FBXO41: variants seen among roughly 807,000 people sequenced by gnomAD.
FBXO41 encodes the protein F-box only protein 41.
A neutral mutation model predicts 81.6 loss-of-function variants in FBXO41; 33 were observed. The observed-to-expected ratio is 0.40, with a 90% CI of 0.31 to 0.54. The LOEUF is 0.54. Among genes scored for constraint, FBXO41 ranks in the 20% least tolerant of loss-of-function variants. The probability of loss-of-function intolerance (pLI) is 0.39; values close to 1 mark genes in which losing one functional copy is unlikely to be tolerated. For missense variants in FBXO41, 1,107 were observed against 1,236.0 expected (o/e 0.90, Z 1.56); for synonymous variants, 576 against 552.7 (o/e 1.04, Z -0.59).
chr2:73,278,815 G>A (rs1688769998), intron 1 of FBXO41, among the ~76,000 whole-genome samples: 1 of 152,228 alleles, frequency 6.6e-6, no homozygotes, highest in Non-Finnish European at 1.5e-5. Flanking sequence ...GGGCAAGGAA[G>A]TGAGAAAGAG....
At position 73,266,081 on chromosome 2, in the gene FBXO41, G is replaced by C; in HGVS notation, c.1132-115C>G. 1 of 922,186 alleles carries C rather than the reference G, an allele frequency of 1.1e-6. No homozygotes were observed. The highest frequency in any genetic ancestry group is 1.7e-6 in the Non-Finnish European group (1 of 593,848). The allele number at this position is 922,186 out of a possible 1,614,324, so 57.1% of individuals were successfully genotyped here. On this transcript the variant is annotated intron_variant, in intron 3 of 12. Coordinates refer to ENST00000520530, the MANE Select transcript of FBXO41 (RefSeq NM_001371389.2). The surrounding 1 kb of genome is among the most constrained non-coding windows in gnomAD (Gnocchi z 5.3). ...GAGAGGAGATGGGGGAGAGGAGAGA[G>C]AAGGGAAAATAGTTGGGAAAGATGG...
In FBXO41 at chr2:73,260,398, G is replaced by A. The variant is rs1687963346; in HGVS notation, c.2440C>T (p.His814Tyr). 2.5e-6 allele frequency: 4 copies of A among 1,612,586 alleles called. No individual in the cohort carries two copies. Among genetic ancestry groups the A allele is most frequent in the Admixed American group, 1.7e-5 (1 of 59,880 alleles). ...TTCCCCCAGTGCTCACTGTTGAAGT[G>A]CAGTAGGGCCTTAGGGGTGACGGGA... ...ATPVTPKALL[H>Y]FNSICRNLKS... is the part of the protein sequence containing the mutation. Residue 814 changes from histidine (H) to tyrosine (Y), a missense_variant, in exon 11 of 13, where the codon CAC becomes TAC. Around this residue, in one of 2 missense-constraint regions of FBXO41, gnomAD observed 336 missense variants for 446.7 expected, o/e 0.75. Coordinates refer to ENST00000520530, the MANE Select transcript of FBXO41 (RefSeq NM_001371389.2). The surrounding 1 kb of genome is among the most constrained non-coding windows in gnomAD (Gnocchi z 5.0).
At chr2:73,273,521 C>A (rs1032282004) in intron 1 of FBXO41, among the ~76,000 whole-genome samples, 1 of 152,162 alleles carries the variant, frequency 6.6e-6, no homozygotes, top group African/African-American at 2.4e-5. Context: ...AGGGAACACA[C>A]ATGACCTCAG....
intron 1 of FBXO41, among the ~76,000 whole-genome samples, chr2:73,283,261 AC>A (rs1386551391): frequency 6.6e-6 from 1 of 152,134 alleles, no homozygotes; most frequent in African/African-American, 2.4e-5. Context: ...CTGGCTCTCC[AC>A]ACCTGTGGCT....
intron 1 of FBXO41, chr2:73,271,028 C>A: frequency 2.2e-6 from 1 of 451,672 alleles, no homozygotes; most frequent in Admixed American, 2.3e-5. Context: ...ACTTCCTGTT[C>A]TTGCTGCCTT....
At chr2:73,265,228 A>C in intron 5 of FBXO41, 54 bp downstream of exon 5, 2 of 1,485,574 alleles carry the variant, frequency 1.3e-6, no homozygotes, top group Non-Finnish European at 1.8e-6. Flanking sequence ...GCAGGAGCCC[A>C]GGAGATTCAC....
intron 2 of FBXO41, among the ~76,000 whole-genome samples, chr2:73,267,933 G>A (rs1688326871): frequency 6.6e-6 from 1 of 152,166 alleles, no homozygotes; most frequent in Non-Finnish European, 1.5e-5. Context: ...CTGACTGCAT[G>A]ATGCTTTTGT....
intron 1 of FBXO41, among the ~76,000 whole-genome samples, chr2:73,282,644 A>G (rs1026528994): frequency 6.6e-6 from 1 of 152,158 alleles, no homozygotes; most frequent in African/African-American, 2.4e-5. Context: ...TCAAGGCTGC[A>G]GTGAGCCATG....
intron 1 of FBXO41, among the ~76,000 whole-genome samples, chr2:73,275,821 G>A (rs1040080663): frequency 2.0e-5 from 3 of 152,018 alleles, no homozygotes; most frequent in Non-Finnish European, 4.4e-5. Context: ...GAGTTTCGCT[G>A]TGTCTCTCAG....
rs1358281102 is a variant in FBXO41 at position 73,268,747 on chromosome 2, T to C, written c.884A>G (p.Gln295Arg). 7.0e-6 allele frequency: 11 copies of C among 1,560,298 alleles called. No individual in the cohort carries two copies. The highest frequency in any genetic ancestry group is 1.2e-5 in the South Asian group (1 of 83,198). ...SLKQDLVHKE[Q>R]ELSRKQQEVV... ...TCACTGCTGCTTGCGGCTCAGCTCCTGTTCCTTGTGCACCAGGTCCTGCTT... is the reference window on the plus strand; with the variant it reads ...TCACTGCTGCTTGCGGCTCAGCTCCCGTTCCTTGTGCACCAGGTCCTGCTT... Residue 295 changes from glutamine to arginine, a missense_variant, in exon 2 of 13, where the codon CAG becomes CGG. By Grantham distance (43) the Gln-to-Arg change is conservative (BLOSUM62 1). This residue lies in a region of FBXO41 where 771 missense variants were observed against 789.2 expected (regional missense o/e 0.98). Coordinates refer to ENST00000520530, the MANE Select transcript of FBXO41 (RefSeq NM_001371389.2).
intron 1 of FBXO41, among the ~76,000 whole-genome samples, chr2:73,275,342 G>A (rs920121329): frequency 1.3e-5 from 2 of 151,876 alleles, no homozygotes; most frequent in African/African-American, 4.8e-5. Context: ...ACCACCACAC[G>A]TGGCTAATTT....
intron 1 of FBXO41, among the ~76,000 whole-genome samples, chr2:73,277,648 T>G (rs1005099460): frequency 1.5e-4 from 21 of 144,762 alleles, no homozygotes; most frequent in Non-Finnish European, 3.1e-5. Flanking sequence ...TCAGAGGTAC[T>G]TTTTTTTTTT....
Position 73,260,456 on chromosome 2 carries a change from C to T in FBXO41, c.2382G>A (p.Leu794=). The T allele has an allele frequency of 6.2e-7, 1 of 1,608,188 alleles. No individual in the cohort carries two copies. The highest frequency in any genetic ancestry group is 8.5e-7 in the Non-Finnish European group (1 of 1,177,454). The part of the protein sequence containing the change: ...EVAAEVCREG[L]KGLEMLVLTA... Reference sequence around the variant, plus strand: ...TGAGCACCAGCATCTCCAGTCCCTTCAGGCCTTCCCGGCAGACCTCTGCTG... The same window carrying T: ...TGAGCACCAGCATCTCCAGTCCCTTTAGGCCTTCCCGGCAGACCTCTGCTG... Residue 794 remains leucine (L), a synonymous_variant, in exon 11 of 13, where the codon CTG becomes CTA. Transcript: ENST00000520530. This position sits in a 1 kb window ranked among gnomAD's most constrained non-coding sequence, Gnocchi z 5.0.
In FBXO41 at chr2:73,260,243, G is replaced by C. The variant is rs1468138960; in HGVS notation, c.2449+146C>G. 7 of 1,123,718 alleles carry C rather than the reference G, an allele frequency of 6.2e-6. No homozygotes were observed. The highest frequency in any genetic ancestry group is 8.7e-6 in the Non-Finnish European group (7 of 802,004). The allele number at this position is 1,123,718 out of a possible 1,614,324, so 69.6% of individuals were successfully genotyped here. A position where few individuals can be genotyped will look rare whatever the true frequency, so the allele number is the denominator to read the frequency against. ...TGGGACCTAGGTCAGTCAGGCTCTAGAACCAGTGCTCTTAACCTGTCCCCC... is the reference window on the plus strand; with the variant it reads ...TGGGACCTAGGTCAGTCAGGCTCTACAACCAGTGCTCTTAACCTGTCCCCC... On this transcript the variant is annotated intron_variant, in intron 11 of 12. Transcript: ENST00000520530. This position sits in a 1 kb window ranked among gnomAD's most constrained non-coding sequence, Gnocchi z 5.0.
intron 1 of FBXO41, among the ~76,000 whole-genome samples, chr2:73,281,325 T>C (rs778693856): frequency 2.0e-5 from 3 of 152,232 alleles, no homozygotes; most frequent in Non-Finnish European, 4.4e-5. Flanking sequence ...GCTTCCATAC[T>C]AGGATGAGGA....
chr2:73,265,765 T>C (rs1226845101), intron 4 of FBXO41, 125 bp from the exon 5 acceptor site: 5 of 1,421,146 alleles, frequency 3.5e-6, no homozygotes, highest in Non-Finnish European at 3.8e-6. Flanking sequence ...CCCCTCTGGG[T>C]GTGGAAAGGC....
chr2:73,272,035 G>A (rs1688520123), intron 1 of FBXO41, among the ~76,000 whole-genome samples: 1 of 152,168 alleles, frequency 6.6e-6, no homozygotes, highest in South Asian at 2.1e-4. Flanking sequence ...ATTTTTAATA[G>A]ATCCACAAAA....
At chr2:73,261,601 G>A (rs144652594) in intron 9 of FBXO41, among the ~76,000 whole-genome samples, 2 of 152,324 alleles carry the variant, frequency 1.3e-5, no homozygotes, top group African/African-American at 2.4e-5. Context: ...GGTGGCAGAA[G>A]TTGTGGGGGG....
rs778143103 is a variant in FBXO41 at position 73,268,763 on chromosome 2, G to A, written c.868C>T (p.Leu290=). The A allele has an allele frequency of 1.4e-5, 22 of 1,570,768 alleles. No homozygotes were observed. The highest frequency in any genetic ancestry group is 1.8e-5 in the Non-Finnish European group (21 of 1,156,942). ...VELLASLKQD[L]VHKEQELSRK... Reference sequence around the variant, plus strand: ...CTCAGCTCCTGTTCCTTGTGCACCAGGTCCTGCTTGAGTGAGGCCAGCAGC... The same window carrying A: ...CTCAGCTCCTGTTCCTTGTGCACCAAGTCCTGCTTGAGTGAGGCCAGCAGC... Residue 290 remains leucine, a synonymous_variant, in exon 2 of 13, where the codon CTG becomes TTG. Coordinates refer to ENST00000520530, the MANE Select transcript of FBXO41 (RefSeq NM_001371389.2).
Sources: allele counts gnomAD v4.1 joint callset (sites outside exome capture counted in the v4.1 genomes callset), GRCh38; gene constraint gnomAD v4.1.1; regional missense constraint gnomAD v4.1.1; non-coding constraint Gnocchi (gnomAD v3.1); transcripts MANE v1.5; gene names NCBI Gene and HGNC (gene_info 2026-07-23, HGNC 2026-07-21).